Variants in SLC12A8 observed in about 807,000 individuals in gnomAD.
The protein encoded by SLC12A8 is solute carrier family 12 member 8.
In SLC12A8, 69 loss-of-function variants were observed where a neutral mutation model predicts 75.6. The observed-to-expected ratio is 0.91, with a 90% CI of 0.75 to 1.11. SLC12A8 has a LOEUF of 1.11. Among genes scored for constraint, SLC12A8 ranks in the 50% most tolerant of loss-of-function variants. The pLI is 0.00. For synonymous variants in SLC12A8, 365 were observed against 372.8 expected (o/e 0.98, Z 0.24); for missense variants, 877 against 896.7 (o/e 0.98, Z 0.28).
At chr3:125,188,249 C>T (rs1241779622) in intron 3 of SLC12A8, among the ~76,000 whole-genome samples, 3 of 152,210 alleles carry the variant, frequency 2.0e-5, no homozygotes, top group African/African-American at 7.2e-5. Flanking sequence ...ACGCTGCTCC[C>T]TCTTCACCTT....
At chr3:125,098,575 C>T (rs1394201469) in intron 10 of SLC12A8, among the ~76,000 whole-genome samples, 1 of 151,814 alleles carries the variant, frequency 6.6e-6, no homozygotes. Flanking sequence ...CACACACACA[C>T]ACACACACAC....
rs183715762 is a variant in SLC12A8, at chr3:125,085,990, C to T, written c.1983-1938G>A. 1.7e-3 allele frequency among the ~76,000 whole-genome samples: 259 copies of T among 151,902 alleles called. 1 individual carries two copies. The highest frequency in any genetic ancestry group is 1.9e-3 in the African/African-American group (80 of 41,412). On this transcript the variant is annotated intron_variant, in intron 13 of 13. Transcript: ENST00000469902. The stretch of plus-strand genomic sequence containing the variant: ...TGCGATCTCAGCTTACTGAAACCTC[C>T]GCCTCCCGGGTTCAAGTGATTCTCC...
chr3:125,084,053 C>T lies in SLC12A8; in HGVS notation c.1983-1G>A, dbSNP rs1438085180. ...CTGCTCCTGAGGGGACCGCAAGCTC[C>T]TGCAGTGAGAGAGACACAGAGGATG... On this transcript the variant is annotated splice_acceptor_variant, in intron 13 of 13. Transcript: ENST00000469902. LOFTEE classifies it high-confidence loss of function. 2 of 1,609,720 alleles carry T rather than the reference C, an allele frequency of 1.2e-6. No homozygotes were observed. Among genetic ancestry groups the T allele is most frequent in the Admixed American group, 1.7e-5 (1 of 59,320 alleles).
chr3:125,095,023 C>G (rs1938679838), intron 10 of SLC12A8, among the ~76,000 whole-genome samples: 1 of 152,226 alleles, frequency 6.6e-6, no homozygotes, highest in Non-Finnish European at 1.5e-5. Flanking sequence ...CCTCCTCCTT[C>G]CAACCTGAAA....
At chr3:125,111,859 G>T (rs766110296) in intron 8 of SLC12A8, among the ~76,000 whole-genome samples, 1 of 152,224 alleles carries the variant, frequency 6.6e-6, no homozygotes, top group Non-Finnish European at 1.5e-5. Flanking sequence ...TCATCAGGAG[G>T]CTAAAGGATG....
At chr3:125,121,292 C>T (rs2945116) in intron 6 of SLC12A8, among the ~76,000 whole-genome samples, 22,876 of 152,274 alleles carry the variant, frequency 0.15, 1,892 homozygotes, top group Admixed American at 0.19. Context: ...ATGAGGGACC[C>T]ACAGCACAGT....
At chr3:125,152,677 ATAT>A (rs1933956675) in intron 5 of SLC12A8, among the ~76,000 whole-genome samples, 1 of 152,168 alleles carries the variant, frequency 6.6e-6, no homozygotes, top group Non-Finnish European at 1.5e-5. Context: ...TACTTTGGAC[ATAT>A]TATTTCTAAT....
intron 5 of SLC12A8, among the ~76,000 whole-genome samples, chr3:125,136,394 A>T (rs1430718409): frequency 2.6e-5 from 4 of 152,290 alleles, no homozygotes; most frequent in South Asian, 4.1e-4. Context: ...CAACTCTTCA[A>T]GCTCAGCCCA....
intron 8 of SLC12A8, 40 bp from the exon 9 acceptor site, chr3:125,110,375 G>C: frequency 6.3e-7 from 1 of 1,595,902 alleles, no homozygotes; most frequent in Non-Finnish European, 8.6e-7. Context: ...GCCAGAACCT[G>C]CTCCTGTGCC....
intron 10 of SLC12A8, among the ~76,000 whole-genome samples, chr3:125,100,882 G>C (rs1411939031): frequency 6.7e-6 from 1 of 148,418 alleles, no homozygotes; most frequent in Non-Finnish European, 1.5e-5. Context: ...GCGCGGTGGC[G>C]GGCGCCTGTA....
chr3:125,116,945 A>G (rs925514080), intron 8 of SLC12A8, among the ~76,000 whole-genome samples: 11 of 152,232 alleles, frequency 7.2e-5, no homozygotes, highest in Non-Finnish European at 1.3e-4. Context: ...GGAAGCATGC[A>G]TGTAGATACA....
intron 5 of SLC12A8, among the ~76,000 whole-genome samples, chr3:125,158,606 T>C (rs1934099991): frequency 6.6e-6 from 1 of 152,200 alleles, no homozygotes; most frequent in Admixed American, 6.5e-5. Context: ...TAGATATTGT[T>C]CCCACATATT....
In SLC12A8 at chr3:125,091,539, G is replaced by A. The variant is rs778005041; in HGVS notation, c.1821C>T (p.Leu607=). 9.9e-6 allele frequency: 16 copies of A among 1,613,268 alleles called. No homozygotes were observed. The highest frequency in any genetic ancestry group is 1.3e-5 in the Non-Finnish European group (15 of 1,179,378). The change falls in exon 12 of 14, where the codon CTC becomes CTT. Residue 607 remains leucine (L), a synonymous_variant. Coordinates refer to ENST00000469902, the MANE Select transcript of SLC12A8 (RefSeq NM_024628.6). ...ACACCCACTGTATCACAAACATGAT[G>A]AGAAGGGACCCAACAGCCTGTGAAA... The part of the protein sequence containing the change: ...VSLLGAVGSL[L]IMFVIQWVYT...
At chr3:125,182,546 G>T (rs970309845) in intron 4 of SLC12A8, among the ~76,000 whole-genome samples, 1 of 146,496 alleles carries the variant, frequency 6.8e-6, no homozygotes, top group Non-Finnish European at 1.5e-5. Flanking sequence ...TTGCTCTGTC[G>T]CCTAGGCTAT....
intron 5 of SLC12A8, among the ~76,000 whole-genome samples, chr3:125,139,727 G>A (rs1933583120): frequency 6.6e-6 from 1 of 152,220 alleles, no homozygotes; most frequent in Admixed American, 6.5e-5. Flanking sequence ...TGTGAGGTCA[G>A]TGGGTCACAC....
chr3:125,200,400 G>C (rs985693192), intron 2 of SLC12A8, among the ~76,000 whole-genome samples: 2 of 152,210 alleles, frequency 1.3e-5, no homozygotes, highest in Non-Finnish European at 2.9e-5. Context: ...AGTGAGCCAT[G>C]ATCGTGCCAC....
intron 2 of SLC12A8, among the ~76,000 whole-genome samples, chr3:125,207,750 C>T (rs1296537472): frequency 1.3e-5 from 2 of 152,178 alleles, no homozygotes; most frequent in Non-Finnish European, 2.9e-5. Context: ...CAGACAAGCA[C>T]CCAATCATGG....
intron 6 of SLC12A8, among the ~76,000 whole-genome samples, chr3:125,131,466 A>C (rs113722997): frequency 8.5e-5 from 13 of 152,286 alleles, no homozygotes; most frequent in Non-Finnish European, 1.8e-4. Flanking sequence ...AGCGCACTGC[A>C]ATCTCTGCCT....
intron 8 of SLC12A8, among the ~76,000 whole-genome samples, chr3:125,116,515 C>A (rs1412147242): frequency 1.3e-5 from 2 of 152,170 alleles, no homozygotes; most frequent in East Asian, 3.9e-4. Flanking sequence ...GTGTGCCTAT[C>A]ATTAGGTGTG....
Sources: allele counts gnomAD v4.1 joint callset (sites outside exome capture counted in the v4.1 genomes callset), GRCh38; gene constraint gnomAD v4.1.1; transcripts MANE v1.5; gene names NCBI Gene and HGNC (gene_info 2026-07-23, HGNC 2026-07-21).